RHOBTB1: variants seen among roughly 807,000 people sequenced by gnomAD.
RHOBTB1 encodes Rho related BTB domain containing 1, also known as rho-related BTB domain-containing protein 1.
Under a neutral mutation model 71.6 loss-of-function variants are expected in RHOBTB1, and 40 were observed. The ratio of observed to expected loss-of-function variants is 0.56; its 90% CI spans 0.43 to 0.73. The LOEUF (loss-of-function observed/expected upper bound fraction) is 0.73, where lower values mean the gene tolerates loss of function less well. Among genes scored for constraint, RHOBTB1 ranks in the 30% least tolerant of loss-of-function variants. The pLI is 0.00. For missense variants in RHOBTB1, 797 were observed against 894.0 expected (o/e 0.89, Z 1.38); for synonymous variants, 319 against 334.9 (o/e 0.95, Z 0.52).
chr10:60,937,408 A>G lies in RHOBTB1; in HGVS notation c.-11+4396T>C, dbSNP rs1166223477. Among the ~76,000 whole-genome samples, 3 of 152,224 alleles carry G rather than the reference A, an allele frequency of 2.0e-5. No individual in the cohort carries two copies. The South Asian group carries it at 6.2e-4, about 32-fold the overall frequency. ...CAGTGAATTGAAATGAAGGTAGGAA[A>G]GTCTCATGTTTCAAAATTGAAAGCA... On this transcript the variant is annotated intron_variant, in intron 2 of 10. Transcript: ENST00000337910.
intron 1 of RHOBTB1, among the ~76,000 whole-genome samples, chr10:60,943,090 A>T (rs1477986248): frequency 6.6e-6 from 1 of 152,168 alleles, no homozygotes; most frequent in African/African-American, 2.4e-5. Flanking sequence ...ATTAACCTTC[A>T]TGCATTTTTG....
At chr10:60,863,776 G>A in the RHOBTB1 span, among the ~76,000 whole-genome samples, 4 of 151,996 alleles carry the variant, frequency 2.6e-5, no homozygotes, top group Admixed American at 6.6e-5. Flanking sequence ...CAAGTGATCC[G>A]CCCACCTCGG....
chr10:60,894,801 C>G (rs1307080790), intron 4 of RHOBTB1, among the ~76,000 whole-genome samples: 1 of 152,160 alleles, frequency 6.6e-6, no homozygotes, highest in Non-Finnish European at 1.5e-5. Flanking sequence ...TAAAATAGTT[C>G]TAATTGGTGC....
intron 2 of RHOBTB1, among the ~76,000 whole-genome samples, chr10:60,962,799 C>T (rs182576209): frequency 2.3e-4 from 35 of 152,190 alleles, no homozygotes; most frequent in Admixed American, 2.1e-3. Flanking sequence ...ACAATTTTGT[C>T]TTCTTTCTGA....
intron 5 of RHOBTB1, among the ~76,000 whole-genome samples, chr10:60,890,907 C>T (rs1435658436): frequency 3.9e-5 from 6 of 152,240 alleles, no homozygotes; most frequent in African/African-American, 1.4e-4. Context: ...AGCTCAAATA[C>T]AAACTCCTTC....
At chr10:60,881,456 C>T (rs1449107604) in intron 7 of RHOBTB1, among the ~76,000 whole-genome samples, 1 of 152,152 alleles carries the variant, frequency 6.6e-6, no homozygotes, top group African/African-American at 2.4e-5. Flanking sequence ...CCAGAGCTTC[C>T]TGTTAATACC....
chr10:60,920,005 A>C (rs1668474121), intron 2 of RHOBTB1, among the ~76,000 whole-genome samples: 1 of 152,210 alleles, frequency 6.6e-6, no homozygotes, highest in African/African-American at 2.4e-5. Flanking sequence ...AAACCACCAT[A>C]AGTGAACTGT....
intron 2 of RHOBTB1, among the ~76,000 whole-genome samples, chr10:60,912,121 T>G: frequency 6.6e-6 from 1 of 152,156 alleles, no homozygotes; most frequent in East Asian, 1.9e-4. Flanking sequence ...AAGAGTAAAC[T>G]GCTAAGTCTA....
At chr10:60,895,460 A>C (rs2082117647) in intron 4 of RHOBTB1, among the ~76,000 whole-genome samples, 1 of 152,208 alleles carries the variant, frequency 6.6e-6, no homozygotes. Flanking sequence ...GCTGGAGTGC[A>C]CTGGCATGAT....
At position 60,888,294 on chromosome 10, in the gene RHOBTB1, G is replaced by A; in HGVS notation, c.1374C>T (p.Phe458=). The A allele has an allele frequency of 6.2e-7, 1 of 1,614,116 alleles. No individual in the cohort carries two copies. Among genetic ancestry groups the A allele is most frequent in the South Asian group, 1.1e-5 (1 of 91,080 alleles). ...AGGCTTTCGTAATCTCCTGGTTCATGAAGGCTTCCTTGTTCATGATGTTTT... is the reference window on the plus strand; with the variant it reads ...AGGCTTTCGTAATCTCCTGGTTCATAAAGGCTTCCTTGTTCATGATGTTTT... ...MVENIMNKEA[F]MNQEITKAFH... is the part of the protein sequence containing the mutation. The change falls in exon 6 of 11, where the codon TTC becomes TTT. Residue 458 remains phenylalanine, a synonymous_variant. Transcript: ENST00000337910.
intron 2 of RHOBTB1, among the ~76,000 whole-genome samples, chr10:60,972,251 G>A (rs2086182546): frequency 6.6e-6 from 1 of 151,960 alleles, no homozygotes; most frequent in East Asian, 1.9e-4. Flanking sequence ...TGTTTATTGT[G>A]GCACTATTCA....
upstream of RHOBTB1, among the ~76,000 whole-genome samples, chr10:60,945,501 A>C (rs1194654443): frequency 1.3e-5 from 2 of 151,970 alleles, no homozygotes; most frequent in Admixed American, 6.6e-5. Context: ...AAGCAAACAC[A>C]CTTCTTGGTC....
At chr10:60,879,380 T>C (rs890468384) in intron 7 of RHOBTB1, among the ~76,000 whole-genome samples, 3 of 152,206 alleles carry the variant, frequency 2.0e-5, no homozygotes, top group African/African-American at 7.2e-5. Context: ...AGGGTCTAAC[T>C]CTGTTGCCCA....
chr10:60,882,309 C>T (rs745520342), intron 7 of RHOBTB1, among the ~76,000 whole-genome samples: 4 of 151,766 alleles, frequency 2.6e-5, no homozygotes, highest in Non-Finnish European at 4.4e-5. Context: ...TTAGCTGAGA[C>T]TATTAGGCTT....
At chr10:60,864,270 A>C in the RHOBTB1 span, among the ~76,000 whole-genome samples, 27,504 of 152,078 alleles carry the variant, frequency 0.18, 2,771 homozygotes, top group African/African-American at 0.27. Flanking sequence ...GTGGGAACTA[A>C]ATGAGACAAA....
rs115924718 is a variant in RHOBTB1, at chr10:60,951,748, A to G, written c.-61-9894T>C. Among the ~76,000 whole-genome samples the G allele has an allele frequency of 8.6e-3, 1,271 of 147,758 alleles. 13 individuals are homozygous for G. Among genetic ancestry groups the G allele is most frequent in the African/African-American group, 0.032 (1,192 of 37,352 alleles). ...GGCACTTTGGGCAGGAAAGTGCCCAATGGTTGTTAATAATGGTAAATGGTT... is the reference window on the plus strand; with the variant it reads ...GGCACTTTGGGCAGGAAAGTGCCCAGTGGTTGTTAATAATGGTAAATGGTT... On this transcript the variant is annotated intron_variant, in intron 2 of 11. Transcript: ENST00000357917.
At chr10:60,938,976 T>C (rs550384668) in intron 2 of RHOBTB1, among the ~76,000 whole-genome samples, 59 of 152,242 alleles carry the variant, frequency 3.9e-4, no homozygotes, top group African/African-American at 1.4e-3. Context: ...TGGGTACCAA[T>C]TCAAAGGAAA....
rs138634738 is a variant in RHOBTB1, at chr10:60,891,660, T to A, written c.482+1150A>T. Among the ~76,000 whole-genome samples, 79 of 152,212 alleles carry A rather than the reference T, an allele frequency of 5.2e-4. 1 individual carries two copies. The highest frequency in any genetic ancestry group is 1.8e-3 in the African/African-American group (75 of 41,530). ...ACTGTGCCCAGCCTAGAGGAGGGTA[T>A]TAATATCAAAATTTTTTGAAAAGGA... On this transcript the variant is annotated intron_variant, in intron 5 of 10. Coordinates refer to ENST00000337910, the MANE Select transcript of RHOBTB1 (RefSeq NM_014836.5).
At chr10:60,898,810 A>G (rs1233806195) in intron 4 of RHOBTB1, among the ~76,000 whole-genome samples, 3 of 152,198 alleles carry the variant, frequency 2.0e-5, no homozygotes, top group Admixed American at 2.0e-4. Context: ...TTTAGTAGGA[A>G]GCAATATTTT....
Sources: allele counts gnomAD v4.1 joint callset (sites outside exome capture counted in the v4.1 genomes callset), GRCh38; gene constraint gnomAD v4.1.1; transcripts MANE v1.5; gene names NCBI Gene and HGNC (gene_info 2026-07-23, HGNC 2026-07-21).